Variants in COL24A1 observed in about 807,000 individuals in gnomAD.
COL24A1 encodes the protein collagen alpha-1(XXIV) chain.
A neutral mutation model predicts 253.9 loss-of-function variants in COL24A1; 224 were observed. The ratio of observed to expected loss-of-function variants is 0.88; its 90% CI spans 0.79 to 0.99. COL24A1 has a LOEUF of 0.99. Ranked by LOEUF, COL24A1 falls within the 50% of genes least tolerant of loss-of-function variation. The pLI is 0.00. For synonymous variants in COL24A1, 685 were observed against 673.7 expected (o/e 1.02, Z -0.26); for missense variants, 2,131 against 2,068.5 (o/e 1.03, Z -0.59).
rs140549002 is a variant in COL24A1 at position 86,034,215 on chromosome 1, T to C, written c.1951-292A>G. Among the ~76,000 whole-genome samples the C allele has an allele frequency of 5.1e-3, 773 of 152,060 alleles. 12 individuals are homozygous for C. The highest frequency in any genetic ancestry group is 0.046 in the East Asian group (239 of 5,172). ...TCATCATACATAAAAAATCACCAAA[T>C]GAAAGGAAAAACAATGAAGATTTCT... On this transcript the variant is annotated intron_variant, in intron 12 of 59. Coordinates refer to ENST00000370571, the MANE Select transcript of COL24A1 (RefSeq NM_152890.7).
chr1:85,841,770 C>A (rs1676639237), intron 41 of COL24A1, among the ~76,000 whole-genome samples: 1 of 152,080 alleles, frequency 6.6e-6, no homozygotes, highest in East Asian at 1.9e-4. Context: ...TATAATTAAT[C>A]ATTTAATCTA....
chr1:85,783,680 C>G (rs961374274), intron 50 of COL24A1, 122 bp from the exon 51 acceptor site: 5 of 851,924 alleles, frequency 5.9e-6, no homozygotes, highest in Non-Finnish European at 9.3e-6. Context: ...GTTGTGCATG[C>G]TGAAGAATTC....
intron 19 of COL24A1, among the ~76,000 whole-genome samples, chr1:86,003,802 A>AG: frequency 6.6e-6 from 1 of 151,368 alleles, no homozygotes; most frequent in South Asian, 2.1e-4. Context: ...AGGAAGAGAG[A>AG]TCTGAGACAG....
chr1:85,784,124 G>A lies in COL24A1; in HGVS notation c.4210C>T (p.Pro1404Ser), dbSNP rs765745126. ...GTATGTAAACATACTTTAGGGCCTG[G>A]GAATCCTTGGAAACCTGTCAAACCT... ...VQGLTGFQGFPGPKGPEGDAG... is the reference protein window; with the variant it reads ...VQGLTGFQGFSGPKGPEGDAG... Residue 1404 changes from proline (P) to serine (S), a missense_variant, in exon 50 of 60, where the codon CCA becomes TCA. Physicochemically the swap from Pro to Ser is moderately conservative, Grantham distance 74. Transcript: ENST00000370571. The A allele has an allele frequency of 1.1e-5, 18 of 1,612,774 alleles. No homozygotes were observed. Among genetic ancestry groups the A allele is most frequent in the Non-Finnish European group, 1.4e-5 (17 of 1,179,194 alleles).
intron 37 of COL24A1, among the ~76,000 whole-genome samples, chr1:85,859,484 A>C (rs1384662670): frequency 6.6e-6 from 1 of 152,164 alleles, no homozygotes; most frequent in Non-Finnish European, 1.5e-5. Context: ...AGAACCCATT[A>C]TATGTGAGAA....
Position 85,755,506 on chromosome 1 carries a change from A to T in COL24A1, c.4437+5890T>A, listed in dbSNP as rs1170652712. Among the ~76,000 whole-genome samples, 4 of 144,236 alleles carry T rather than the reference A, an allele frequency of 2.8e-5. No individual in the cohort carries two copies. The East Asian group carries it at 8.2e-4, about 30-fold the overall frequency. 94.6% of individuals were successfully genotyped at this position (144,236 alleles called of 152,430 possible). A position where few individuals can be genotyped will look rare whatever the true frequency, so the allele number is the denominator to read the frequency against. ...ACTATAAAGCTGCTGTAATCAAAACAGTTGGTACTGTCATAAAGACAGACA... is the reference window on the plus strand; with the variant it reads ...ACTATAAAGCTGCTGTAATCAAAACTGTTGGTACTGTCATAAAGACAGACA... On this transcript the variant is annotated intron_variant, in intron 55 of 59. Transcript: ENST00000370571.
rs749798004 is a variant in COL24A1, at chr1:86,041,506, C to CT, written c.1950+5318dup. 1.6e-4 allele frequency among the ~76,000 whole-genome samples: 25 copies of CT among 152,068 alleles called. 1 individual carries two copies. In the East Asian group the frequency reaches 4.1e-3, roughly 25 times the overall value. On this transcript the variant is annotated intron_variant, in intron 12 of 59. Coordinates refer to ENST00000370571, the MANE Select transcript of COL24A1 (RefSeq NM_152890.7). Reference sequence around the variant, plus strand: ...AATCAAGCTGAGAGCTCTGTAAATGCTTTTTTTAAAAGCAACTATAGAATT... The same window carrying CT: ...AATCAAGCTGAGAGCTCTGTAAATGCTTTTTTTTAAAAGCAACTATAGAATT...
intron 32 of COL24A1, among the ~76,000 whole-genome samples, chr1:85,880,663 T>C (rs1368208479): frequency 6.6e-6 from 1 of 152,160 alleles, no homozygotes; most frequent in Admixed American, 6.5e-5. Flanking sequence ...GGCTATAAGG[T>C]TTTTTAAAAA....
Position 86,132,313 on chromosome 1 carries a change from G to A in COL24A1, c.122-6099C>T, listed in dbSNP as rs187294437. 6.7e-3 allele frequency among the ~76,000 whole-genome samples: 1,024 copies of A among 152,258 alleles called. 11 individuals are homozygous for A. The highest frequency in any genetic ancestry group is 9.0e-3 in the Non-Finnish European group (611 of 68,024). ...GCAAAAATTTTCTCCCATTCTGTAGGTTGCCTGTTCACTGTGATAGTAGTT... is the reference window on the plus strand; with the variant it reads ...GCAAAAATTTTCTCCCATTCTGTAGATTGCCTGTTCACTGTGATAGTAGTT... On this transcript the variant is annotated intron_variant, in intron 2 of 59. Transcript: ENST00000370571.
chr1:85,890,587 G>C (rs1377481614), intron 31 of COL24A1, among the ~76,000 whole-genome samples: 1 of 151,280 alleles, frequency 6.6e-6, no homozygotes, highest in South Asian at 2.1e-4. Flanking sequence ...TTTTCCATCA[G>C]GTTGTTTTTT....
At chr1:85,783,007 C>T (rs1240475486) in intron 51 of COL24A1, among the ~76,000 whole-genome samples, 2 of 152,196 alleles carry the variant, frequency 1.3e-5, no homozygotes, top group Non-Finnish European at 2.9e-5. Context: ...TGGAGTTCTT[C>T]AGACCCTGCT....
intron 28 of COL24A1, among the ~76,000 whole-genome samples, 187 bp from the exon 29 acceptor site, chr1:85,896,596 G>A (rs1043486968): frequency 6.6e-6 from 1 of 151,852 alleles, no homozygotes; most frequent in African/African-American, 2.4e-5. Flanking sequence ...CCAGGTTCAC[G>A]CCATTCTCCT....
intron 25 of COL24A1, among the ~76,000 whole-genome samples, 166 bp downstream of exon 25, chr1:85,911,214 C>A (rs1206099782): frequency 6.6e-6 from 1 of 151,856 alleles, no homozygotes; most frequent in African/African-American, 2.4e-5. Flanking sequence ...AAATTAGAAA[C>A]CTACATGCTG....
chr1:86,075,744 C>G (rs986283891), intron 7 of COL24A1, among the ~76,000 whole-genome samples: 1 of 152,160 alleles, frequency 6.6e-6, no homozygotes, highest in African/African-American at 2.4e-5. Context: ...TCAACATACA[C>G]AAATCAATCA....
intron 43 of COL24A1, among the ~76,000 whole-genome samples, chr1:85,833,178 A>C (rs1003807423): frequency 6.6e-6 from 1 of 152,206 alleles, no homozygotes; most frequent in African/African-American, 2.4e-5. Flanking sequence ...CAGAGTGAAC[A>C]GGCAACCTAC....
chr1:85,875,260 A>G lies in COL24A1; in HGVS notation c.3084+17T>C, dbSNP rs745894149. 2.5e-6 allele frequency: 4 copies of G among 1,610,632 alleles called. No homozygotes were observed. The African/African-American group carries it at 5.3e-5, about 22-fold the overall frequency. ...GGTGAAAGTTTAGAGATTCTCCTTT[A>G]TTTTTTAGAAGGTTACCTTTGCACC... is the stretch of plus-strand genomic sequence containing the variant. On this transcript the variant is annotated intron_variant, in intron 34 of 59. Coordinates refer to ENST00000370571, the MANE Select transcript of COL24A1 (RefSeq NM_152890.7).
At position 85,833,915 on chromosome 1, in the gene COL24A1, A is replaced by G. The variant is rs1296637207; in HGVS notation, c.3681+4670T>C. Reference sequence around the variant, plus strand: ...CTCACTTATAGGTGGGAATTGAACAATGAGAACACTGGGACACAGGAAGGG... The same window carrying G: ...CTCACTTATAGGTGGGAATTGAACAGTGAGAACACTGGGACACAGGAAGGG... On this transcript the variant is annotated intron_variant, in intron 43 of 59. Transcript: ENST00000370571. 3.5e-5 allele frequency among the ~76,000 whole-genome samples: 5 copies of G among 143,808 alleles called. No individual in the cohort carries two copies. The East Asian group carries it at 6.7e-4, about 19-fold the overall frequency. The allele number at this position is 143,808 out of a possible 152,430, so 94.3% of individuals were successfully genotyped here. A position where few individuals can be genotyped will look rare whatever the true frequency, so the allele number is the denominator to read the frequency against.
Position 85,987,839 on chromosome 1 carries a change from T to C in COL24A1, c.2311-185A>G, listed in dbSNP as rs192364987. Among the ~76,000 whole-genome samples, 192 of 152,016 alleles carry C rather than the reference T, an allele frequency of 1.3e-3. 2 individuals carry two copies. The highest frequency in any genetic ancestry group is 2.4e-4 in the Non-Finnish European group (16 of 67,828). ...GGAATATAAAACTTACAAAGTGTACTAAAATAGAATTTACTCCATCAGTGA... is the reference window on the plus strand; with the variant it reads ...GGAATATAAAACTTACAAAGTGTACCAAAATAGAATTTACTCCATCAGTGA... On this transcript the variant is annotated intron_variant, in intron 19 of 59. Transcript: ENST00000370571.
At chr1:86,107,169 T>C (rs1042533706) in intron 5 of COL24A1, among the ~76,000 whole-genome samples, 3 of 152,186 alleles carry the variant, frequency 2.0e-5, no homozygotes, top group Non-Finnish European at 4.4e-5. Flanking sequence ...CAACCTAGTG[T>C]AAGAAAAATA....
Sources: allele counts gnomAD v4.1 joint callset (sites outside exome capture counted in the v4.1 genomes callset), GRCh38; gene constraint gnomAD v4.1.1; transcripts MANE v1.5; gene names NCBI Gene and HGNC (gene_info 2026-07-23, HGNC 2026-07-21).